PTGS1: variants seen among roughly 807,000 people sequenced by gnomAD.
PTGS1 encodes the protein prostaglandin-endoperoxide synthase 1, also known as prostaglandin G/H synthase 1.
In PTGS1, 40 loss-of-function variants were observed where a neutral mutation model predicts 63.0. The observed-to-expected ratio is 0.63, with a 90% CI of 0.49 to 0.83. The LOEUF is 0.83. PTGS1 is among the 40% of genes least tolerant of loss of function. The probability of loss-of-function intolerance (pLI) is 0.00; values close to 1 mark genes in which losing one functional copy is unlikely to be tolerated. For missense variants in PTGS1, 709 were observed against 786.5 expected, an observed-to-expected ratio of 0.90 and a Z score of 1.18; for synonymous variants, 298 against 301.9, an observed-to-expected ratio of 0.99 and a Z score of 0.13.
intron 2 of PTGS1, among the ~76,000 whole-genome samples, chr9:122,373,666 A>G (rs1462488889): frequency 6.6e-6 from 1 of 152,214 alleles, no homozygotes; most frequent in Non-Finnish European, 1.5e-5. Context: ...ATGGGGCAAG[A>G]TGCCAGCTGT....
Position 122,383,685 on chromosome 9 carries a change from C to A in PTGS1, c.939C>A (p.Asp313Glu). 1.2e-6 allele frequency: 2 copies of A among 1,614,100 alleles called. No homozygotes were observed. Among genetic ancestry groups the A allele is most frequent in the Non-Finnish European group, 8.5e-7 (1 of 1,180,032 alleles). The change falls in exon 8 of 11, where the codon GAC (aspartate) becomes GAA (glutamate). Residue 313 changes from aspartate to glutamate, a missense_variant. Asp to Glu is a conservative substitution (Grantham distance 45). Transcript: ENST00000362012. ...LWLREHNRVC[D>E]LLKAEHPTWG... ...TACGTGAGCACAACCGTGTGTGTGACCTGCTGAAGGCTGAGCACCCCACCT... is the reference window on the plus strand; with the variant it reads ...TACGTGAGCACAACCGTGTGTGTGAACTGCTGAAGGCTGAGCACCCCACCT...
At position 122,379,442 on chromosome 9, in the gene PTGS1, A is replaced by G. The variant is rs553166800; in HGVS notation, c.496+524A>G. On this transcript the variant is annotated intron_variant, in intron 5 of 10. Transcript: ENST00000362012. ...CTGGGATATTATTCATTTCAGACCC[A>G]TCAGTTCAGCATCAAGTACAGAGAG... 1.1e-4 allele frequency among the ~76,000 whole-genome samples: 17 copies of G among 152,334 alleles called. No individual in the cohort carries two copies. The South Asian group carries it at 2.1e-3, about 19-fold the overall frequency.
rs201881789 is a variant in PTGS1 at position 122,394,293 on chromosome 9, A to G, written c.*1749A>G. 9 of 152,258 alleles carry G rather than the reference A, an allele frequency of 5.9e-5. No individual in the cohort carries two copies. The highest frequency in any genetic ancestry group is 1.0e-4 in the Non-Finnish European group (7 of 68,064). 9.4% of individuals were successfully genotyped at this position (152,258 alleles called of 1,614,324 possible). On this transcript the variant is annotated 3_prime_UTR_variant, in exon 11 of 11. Coordinates refer to ENST00000362012, the MANE Select transcript of PTGS1 (RefSeq NM_000962.4). The stretch of plus-strand genomic sequence containing the variant: ...CCACACTTTGGGCTTAGTATTTCTC[A>G]GGAAGAGCTATGGCCCAGAAACAAC...
In PTGS1 at chr9:122,392,687, A is replaced by G; in HGVS notation, c.*143A>G. ...GTTGACATTTAGAACTTTAAGTCTC[A>G]CCCATTATCTGGAATATTGTGATTC... On this transcript the variant is annotated 3_prime_UTR_variant, in exon 11 of 11. Coordinates refer to ENST00000362012, the MANE Select transcript of PTGS1 (RefSeq NM_000962.4). 1 of 660,300 alleles carries G rather than the reference A, an allele frequency of 1.5e-6. No individual in the cohort carries two copies. The allele number at this position is 660,300 out of a possible 1,614,324, so 40.9% of individuals were successfully genotyped here.
At chr9:122,385,214 TC>T (rs759431592) in intron 8 of PTGS1, among the ~76,000 whole-genome samples, 12 of 152,162 alleles carry the variant, frequency 7.9e-5, no homozygotes, top group Non-Finnish European at 1.6e-4. Context: ...CGCCTTGGCA[TC>T]CCAAAGTTCT....
Position 122,381,647 on chromosome 9 carries a change from C to T in PTGS1, c.679-17C>T. ...CCGGCACCCTGGTGACCTGAGGGAACCCCTCTCTGTCCACAGGTAGACCTC... is the reference window on the plus strand; with the variant it reads ...CCGGCACCCTGGTGACCTGAGGGAATCCCTCTCTGTCCACAGGTAGACCTC... On this transcript the variant is annotated splice_polypyrimidine_tract_variant and intron_variant, in intron 6 of 10. Transcript: ENST00000362012. 3 of 1,613,692 alleles carry T rather than the reference C, an allele frequency of 1.9e-6. No individual in the cohort carries two copies. Among genetic ancestry groups the T allele is most frequent in the Non-Finnish European group, 2.5e-6 (3 of 1,179,574 alleles).
In PTGS1 at chr9:122,391,388, T is replaced by C. The variant is rs1462463185; in HGVS notation, c.1445-801T>C. On this transcript the variant is annotated intron_variant, in intron 10 of 10. Transcript: ENST00000362012. ...ATATATATACATATATATATATACA[T>C]ATATATATACATATATATATACATA... Among the ~76,000 whole-genome samples, 53 of 90,206 alleles carry C rather than the reference T, an allele frequency of 5.9e-4. 2 individuals are homozygous for C. The highest frequency in any genetic ancestry group is 4.1e-3 in the African/African-American group (50 of 12,244). 59.2% of individuals were successfully genotyped at this position (90,206 alleles called of 152,430 possible).
rs917759253 is a variant in PTGS1, at chr9:122,391,419, A to G, written c.1445-770A>G. On this transcript the variant is annotated intron_variant, in intron 10 of 10. Coordinates refer to ENST00000362012, the MANE Select transcript of PTGS1 (RefSeq NM_000962.4). ...TATACATATATATATACATATATAT[A>G]TATATATACATATATATATATATAT... 3.7e-4 allele frequency among the ~76,000 whole-genome samples: 7 copies of G among 18,812 alleles called. No individual in the cohort carries two copies. The East Asian group carries it at 5.2e-3, about 14-fold the overall frequency. The allele number at this position is 18,812 out of a possible 152,430, so 12.3% of individuals were successfully genotyped here. A position where few individuals can be genotyped will look rare whatever the true frequency, so the allele number is the denominator to read the frequency against.
At chr9:122,381,835 T>C in intron 7 of PTGS1, 88 bp downstream of exon 7, 1 of 1,398,320 alleles carries the variant, frequency 7.2e-7, no homozygotes. Context: ...GTCTGGGTCA[T>C]GTCCTGAGAG....
In PTGS1 at chr9:122,377,985, A is replaced by G. The variant is rs1166179022; in HGVS notation, c.181A>G (p.Thr61Ala). Residue 61 changes from threonine to alanine, a missense_variant, in exon 3 of 11, where the codon ACG becomes GCG. Thr to Ala is a moderately conservative substitution (Grantham distance 58). Transcript: ENST00000362012. ...LDRYQCDCTR[T>A]GYSGPNCTIP... ...CCGCTACCAGTGTGACTGCACCCGC[A>G]CGGGCTATTCCGGCCCCAACTGCAC... 1 of 1,613,604 alleles carries G rather than the reference A, an allele frequency of 6.2e-7. No homozygotes were observed. Among genetic ancestry groups the G allele is most frequent in the Non-Finnish European group, 8.5e-7 (1 of 1,180,020 alleles).
chr9:122,380,700 T>A (rs1407097918), intron 5 of PTGS1, among the ~76,000 whole-genome samples: 1 of 152,234 alleles, frequency 6.6e-6, no homozygotes, highest in Non-Finnish European at 1.5e-5. Context: ...GTTTACTATC[T>A]GGCTTTTTCC....
At chr9:122,387,336 C>T (rs1837932836) in intron 9 of PTGS1, among the ~76,000 whole-genome samples, 1 of 152,008 alleles carries the variant, frequency 6.6e-6, no homozygotes, top group African/African-American at 2.4e-5. Context: ...ACATTCAGGG[C>T]ATGGTAATGT....
chr9:122,385,733 TG>T (rs1471203596), intron 8 of PTGS1, among the ~76,000 whole-genome samples: 1 of 152,116 alleles, frequency 6.6e-6, no homozygotes, highest in Non-Finnish European at 1.5e-5. Flanking sequence ...GGTGTCAGCA[TG>T]ATGACAGCTC....
intron 8 of PTGS1, among the ~76,000 whole-genome samples, chr9:122,385,082 C>T (rs1025168509): frequency 2.6e-5 from 4 of 152,060 alleles, no homozygotes; most frequent in African/African-American, 7.2e-5. Flanking sequence ...CTCAGCCTCC[C>T]GAGTAGCTGG....
chr9:122,388,284 G>A (rs1249282654), intron 9 of PTGS1, among the ~76,000 whole-genome samples: 2 of 152,012 alleles, frequency 1.3e-5, no homozygotes, highest in African/African-American at 2.4e-5. Context: ...GGGCTCAAGC[G>A]ATCTGCCCGC....
chr9:122,378,126 T>C, intron 3 of PTGS1, 111 bp downstream of exon 3: 1 of 1,104,522 alleles, frequency 9.1e-7, no homozygotes, highest in Admixed American at 1.8e-5. Context: ...GGCCCTGTTC[T>C]CCTTCCTTGC....
intron 9 of PTGS1, among the ~76,000 whole-genome samples, chr9:122,387,493 G>T (rs1387195050): frequency 2.0e-5 from 3 of 152,196 alleles, no homozygotes; most frequent in African/African-American, 4.8e-5. Context: ...CTTTAAAGAG[G>T]TAATTAAGTT....
upstream of PTGS1, chr9:122,370,794 C>T (rs1047162506): frequency 2.0e-5 from 12 of 592,422 alleles, no homozygotes; most frequent in Middle Eastern, 8.9e-4. Flanking sequence ...AGCATCGTCT[C>T]TGAGCCTCAG....
At chr9:122,391,301 CATAT>C (rs983408145) in intron 10 of PTGS1, among the ~76,000 whole-genome samples, 1 of 131,058 alleles carries the variant, frequency 7.6e-6, no homozygotes, top group Non-Finnish European at 1.5e-5. Flanking sequence ...CATATCAATA[CATAT>C]ATACATATAC....
Sources: gnomAD v4.1 joint callset for allele counts (sites outside exome capture counted in the v4.1 genomes callset) on GRCh38, gnomAD v4.1.1 for gene constraint, MANE v1.5 for transcripts, NCBI Gene and HGNC (gene_info 2026-07-23, HGNC 2026-07-21) for gene names.